MDGA2: variants seen among roughly 807,000 people sequenced by gnomAD.
The protein encoded by MDGA2 is MAM domain containing glycosylphosphatidylinositol anchor 2.
Under a neutral mutation model 117.8 loss-of-function variants are expected in MDGA2, and 40 were observed. The observed-to-expected ratio is 0.34, with a 90% confidence interval of 0.26 to 0.44. The LOEUF (loss-of-function observed/expected upper bound fraction) is 0.44, where lower values mean the gene tolerates loss of function less well. MDGA2 is among the 20% of genes least tolerant of loss of function. The probability of loss-of-function intolerance (pLI) is 1.00; values close to 1 mark genes in which losing one functional copy is unlikely to be tolerated. For missense variants in MDGA2, 1,123 were observed against 1,250.6 expected (o/e 0.90, Z 1.54); for synonymous variants, 452 against 439.0 (o/e 1.03, Z -0.37).
rs374076041 is a variant in MDGA2, at chr14:46,860,616, T to C, written c.2753-5462A>G. On this transcript the variant is annotated intron_variant, in intron 14 of 16. Coordinates refer to ENST00000399232, the MANE Select transcript of MDGA2 (RefSeq NM_001113498.3). ...TCAGGGTAAGAAAGAATCTCAAACTTGTCTTCCACAGAACTGACTTTAATT... is the reference window on the plus strand; with the variant it reads ...TCAGGGTAAGAAAGAATCTCAAACTCGTCTTCCACAGAACTGACTTTAATT... Among the ~76,000 whole-genome samples, 195 of 152,140 alleles carry C rather than the reference T, an allele frequency of 1.3e-3. 2 individuals are homozygous for C. Among genetic ancestry groups the C allele is most frequent in the African/African-American group, 4.5e-3 (187 of 41,578 alleles).
chr14:47,160,725 G>T (rs1048573548), intron 3 of MDGA2, among the ~76,000 whole-genome samples: 1 of 152,154 alleles, frequency 6.6e-6, no homozygotes, highest in East Asian at 1.9e-4. Flanking sequence ...TGCTGGGATT[G>T]TTCATTGAGA....
chr14:47,585,754 C>A (rs1357118374), intron 1 of MDGA2, among the ~76,000 whole-genome samples: 1 of 151,926 alleles, frequency 6.6e-6, no homozygotes, highest in Non-Finnish European at 1.5e-5. Flanking sequence ...TTTCATCCTT[C>A]CCTTATACAT....
intron 4 of MDGA2, among the ~76,000 whole-genome samples, chr14:47,141,415 G>A (rs569057665): frequency 2.2e-4 from 34 of 152,148 alleles, no homozygotes; most frequent in Admixed American, 1.6e-3. Context: ...ACAGATGAAT[G>A]GATAAAGAAA....
Position 47,105,708 on chromosome 14 carries a change from T to C in MDGA2, c.926-8585A>G, listed in dbSNP as rs1396498026. On this transcript the variant is annotated intron_variant, in intron 5 of 16. Coordinates refer to ENST00000399232, the MANE Select transcript of MDGA2 (RefSeq NM_001113498.3). The stretch of plus-strand genomic sequence containing the variant: ...ATTCTTTTACACATCAGTCCCTTCC[T>C]AATCTCTGTGACCAGTGCAACTCGT... 2.3e-4 allele frequency among the ~76,000 whole-genome samples: 35 copies of C among 149,450 alleles called. 2 individuals are homozygous for C. The highest frequency in any genetic ancestry group is 2.3e-3 in the Admixed American group (34 of 14,908).
intron 3 of MDGA2, among the ~76,000 whole-genome samples, chr14:47,209,828 G>C (rs1230651101): frequency 2.0e-5 from 3 of 152,138 alleles, no homozygotes; most frequent in African/African-American, 7.2e-5. Flanking sequence ...AATAAGCATT[G>C]TAATTGCCAC....
chr14:47,288,434 AC>A (rs1888764678), intron 2 of MDGA2, among the ~76,000 whole-genome samples: 1 of 152,256 alleles, frequency 6.6e-6, no homozygotes, highest in South Asian at 2.1e-4. Flanking sequence ...CATATTGCAG[AC>A]CCAGATGCAC....
At chr14:47,340,751 A>T (rs1444396094) in intron 1 of MDGA2, among the ~76,000 whole-genome samples, 1 of 152,186 alleles carries the variant, frequency 6.6e-6, no homozygotes, top group African/African-American at 2.4e-5. Flanking sequence ...TTTTCTCATA[A>T]ATCTGGACTC....
intron 1 of MDGA2, among the ~76,000 whole-genome samples, chr14:47,636,145 G>C (rs949462374): frequency 6.6e-6 from 1 of 152,208 alleles, no homozygotes; most frequent in Non-Finnish European, 1.5e-5. Context: ...CACTACATCT[G>C]ATCTTTTTAT....
At chr14:47,223,269 T>G (rs1234870466) in intron 2 of MDGA2, among the ~76,000 whole-genome samples, 2 of 151,918 alleles carry the variant, frequency 1.3e-5, no homozygotes, top group African/African-American at 4.8e-5. Context: ...ATATCAACAG[T>G]GAAAAGAATA....
chr14:47,217,212 T>C (rs1886124875), intron 3 of MDGA2, among the ~76,000 whole-genome samples: 1 of 152,058 alleles, frequency 6.6e-6, no homozygotes, highest in South Asian at 2.1e-4. Context: ...CTCTCAGTTG[T>C]TGCTTATGTC....
intron 1 of MDGA2, among the ~76,000 whole-genome samples, chr14:47,672,338 A>T (rs1898089616): frequency 6.6e-6 from 1 of 152,232 alleles, no homozygotes; most frequent in Non-Finnish European, 1.5e-5. Flanking sequence ...CTTTCATTAC[A>T]ATCATCAGCT....
chr14:47,162,846 A>C (rs1224417238), intron 3 of MDGA2, among the ~76,000 whole-genome samples: 1 of 152,132 alleles, frequency 6.6e-6, no homozygotes. Context: ...TTTTTTACTG[A>C]ACTATTTAGT....
chr14:47,225,135 T>A (rs967781770), intron 2 of MDGA2, among the ~76,000 whole-genome samples: 17 of 152,172 alleles, frequency 1.1e-4, no homozygotes, highest in Non-Finnish European at 1.5e-4. Context: ...CCAGTTAGAA[T>A]GGCAATCATT....
At chr14:47,441,041 G>A (rs10467790) in intron 1 of MDGA2, among the ~76,000 whole-genome samples, 98,287 of 151,882 alleles carry the variant, frequency 0.65, 31,983 homozygotes, top group South Asian at 0.74. Flanking sequence ...AAGCAACTAT[G>A]AAGCAAGGAA....
intron 8 of MDGA2, among the ~76,000 whole-genome samples, chr14:47,031,399 T>C (rs999116051): frequency 2.0e-5 from 3 of 152,156 alleles, no homozygotes; most frequent in African/African-American, 4.8e-5. Context: ...ATTTTTTCTA[T>C]CTTATTTATT....
intron 1 of MDGA2, among the ~76,000 whole-genome samples, chr14:47,597,943 T>C (rs530362876): frequency 1.3e-5 from 2 of 151,504 alleles, no homozygotes; most frequent in African/African-American, 4.8e-5. Context: ...AAAACATTGA[T>C]TGATTAAGAC....
rs758559408 is a variant in MDGA2 at position 47,072,096 on chromosome 14, TTG to T, written c.1196-10520_1196-10519del. On this transcript the variant is annotated intron_variant, in intron 6 of 16. Coordinates refer to ENST00000399232, the MANE Select transcript of MDGA2 (RefSeq NM_001113498.3). ...GACCCAGGAAGTTTGTTGGTTGTTG[TTG>T]TTTGGGGGGGGGGGGGTTTGCAGGT... 7.4e-3 allele frequency among the ~76,000 whole-genome samples: 423 copies of T among 57,002 alleles called. 11 individuals carry two copies. Among genetic ancestry groups the T allele is most frequent in the Non-Finnish European group, 0.013 (347 of 27,164 alleles). 37.4% of individuals were successfully genotyped at this position (57,002 alleles called of 152,430 possible).
intron 2 of MDGA2, among the ~76,000 whole-genome samples, chr14:47,269,766 T>C (rs1304048091): frequency 6.6e-6 from 1 of 152,082 alleles, no homozygotes; most frequent in African/African-American, 2.4e-5. Context: ...ATGAGAAAAA[T>C]TCAGTAGAAA....
intron 2 of MDGA2, among the ~76,000 whole-genome samples, chr14:47,238,022 G>C (rs558229333): frequency 1.3e-5 from 2 of 152,116 alleles, no homozygotes; most frequent in South Asian, 4.1e-4. Flanking sequence ...CTCACCCCCA[G>C]TCACTGAACT....
Sources: allele counts gnomAD v4.1 joint callset (sites outside exome capture counted in the v4.1 genomes callset), GRCh38; gene constraint gnomAD v4.1.1; transcripts MANE v1.5; gene names NCBI Gene and HGNC (gene_info 2026-07-23, HGNC 2026-07-21).